The following TRRAP variants were observed in gnomAD, a reference collection of about 807,000 sequenced individuals.
The protein encoded by TRRAP is transformation/transcription domain-associated protein.
In TRRAP, 41 loss-of-function variants were observed where a neutral mutation model predicts 438.8. The ratio of observed to expected loss-of-function variants is 0.09; its 90% CI spans 0.07 to 0.12. The LOEUF (loss-of-function observed/expected upper bound fraction) is 0.12. Ranked by LOEUF, TRRAP falls within the 10% of genes least tolerant of loss-of-function variation. TRRAP has a pLI of 1.00. For missense variants in TRRAP, 3,122 were observed against 5,055.1 expected, an observed-to-expected ratio of 0.62 and a Z score of 11.60; for synonymous variants, 1,994 against 1,962.9, an observed-to-expected ratio of 1.02 and a Z score of -0.42.
chr7:98,958,209 C>A, intron 44 of TRRAP, 118 bp downstream of exon 44: 1 of 822,778 alleles, frequency 1.2e-6, no homozygotes, highest in Non-Finnish European at 1.9e-6. Context: ...CCAAGGTCTG[C>A]CAGCTGGTTC....
chr7:98,973,129 A>C (rs141652926), intron 53 of TRRAP, among the ~76,000 whole-genome samples: 3 of 152,096 alleles, frequency 2.0e-5, no homozygotes, highest in African/African-American at 7.2e-5. Context: ...ACAGGCACAC[A>C]CCACCACACC....
At chr7:98,916,170 A>G (rs1194704750) in intron 19 of TRRAP, among the ~76,000 whole-genome samples, 2 of 151,616 alleles carry the variant, frequency 1.3e-5, no homozygotes, top group Admixed American at 1.3e-4. Context: ...TTGCATTTTT[A>G]TAGTGTTTGG....
chr7:98,979,001 G>A, intron 58 of TRRAP, 97 bp downstream of exon 58: 2 of 1,506,538 alleles, frequency 1.3e-6, no homozygotes, highest in Non-Finnish European at 1.8e-6. Flanking sequence ...AAGCATTTTG[G>A]CAGTGGAAAG....
intron 33 of TRRAP, among the ~76,000 whole-genome samples, chr7:98,946,734 A>G (rs1341473588): frequency 6.6e-6 from 1 of 152,212 alleles, no homozygotes; most frequent in Non-Finnish European, 1.5e-5. Flanking sequence ...AGCATTGCAC[A>G]CACCCCGAGC....
chr7:99,000,055 T>G (rs1005868058), intron 67 of TRRAP: 2 of 160,882 alleles, frequency 1.2e-5, no homozygotes, highest in African/African-American at 4.8e-5. Context: ...TTGCCCAGGC[T>G]GGAGTGCAGT....
At chr7:98,922,082 G>A in intron 21 of TRRAP, 129 bp downstream of exon 21, 1 of 1,294,474 alleles carries the variant, frequency 7.7e-7, no homozygotes, top group Non-Finnish European at 1.1e-6. Context: ...CAGGTGATCG[G>A]CCTGGTTGGC....
At chr7:98,925,004 CAA>C (rs782031495) in intron 21 of TRRAP, 106 bp from the exon 22 acceptor site, 2,429 of 1,089,812 alleles carry the variant, frequency 2.2e-3, no homozygotes, top group South Asian at 4.3e-3. Context: ...GACTCCGTCT[CAA>C]AAAAAAAAAA....
rs765046619 is a variant in TRRAP, at chr7:98,959,509, AG to A, written c.6489+22del. On this transcript the variant is annotated intron_variant, in intron 45 of 72. Coordinates refer to ENST00000456197, the MANE Select transcript of TRRAP (RefSeq NM_001375524.1). ...GACTGTGGTGAGTGCGAGTGTCTGA[AG>A]GGCCAGGGCAGCGCCACCGAGGCCA... 5.6e-6 allele frequency: 9 copies of A among 1,608,796 alleles called. No homozygotes were observed. Among genetic ancestry groups the A allele is most frequent in the Non-Finnish European group, 7.6e-6 (9 of 1,177,320 alleles).
intron 56 of TRRAP, among the ~76,000 whole-genome samples, chr7:98,977,284 C>G (rs1056536322): frequency 1.9e-4 from 29 of 152,194 alleles, no homozygotes; most frequent in Non-Finnish European, 8.8e-5. Flanking sequence ...GCCTCAGCCT[C>G]CCAAGTAGCT....
rs1554417801 is a variant in TRRAP at position 98,949,852 on chromosome 7, C to T, written c.5135+11C>T. ...GCTGAACTACTGCAAGTGGGTGCCT[C>T]CTCCCGCCCTGCCCCGCGGGACTGG... On this transcript the variant is annotated intron_variant, in intron 37 of 72. Transcript: ENST00000456197. The T allele has an allele frequency of 6.2e-7, 1 of 1,610,072 alleles. No homozygotes were observed. The highest frequency in any genetic ancestry group is 8.5e-7 in the Non-Finnish European group (1 of 1,178,062).
Position 98,948,494 on chromosome 7 carries a change from C to CTTG in TRRAP, c.4669-69_4669-67dup. ...TTCATGCACTCCAGTAACAAGGGAC[C>CTTG]TTGTTAGGTAGACAGCCTCAAGCTC... On this transcript the variant is annotated intron_variant, in intron 34 of 72. Coordinates refer to ENST00000456197, the MANE Select transcript of TRRAP (RefSeq NM_001375524.1). This position sits in a 1 kb window ranked among gnomAD's most constrained non-coding sequence, Gnocchi z 4.9. 1 of 1,613,246 alleles carries CTTG rather than the reference C, an allele frequency of 6.2e-7. No individual in the cohort carries two copies. The highest frequency in any genetic ancestry group is 1.7e-5 in the Admixed American group (1 of 60,020).
In TRRAP at chr7:98,933,236, C is replaced by T; in HGVS notation, c.3853-5C>T. On this transcript the variant is annotated splice_region_variant and splice_polypyrimidine_tract_variant and intron_variant, in intron 26 of 72. Coordinates refer to ENST00000456197, the MANE Select transcript of TRRAP (RefSeq NM_001375524.1). ...TGAGTGGTGCCTCCTCCTTGGCTTCCCCAGGTCCTGCAGGATATGGTCCCC... is the reference window on the plus strand; with the variant it reads ...TGAGTGGTGCCTCCTCCTTGGCTTCTCCAGGTCCTGCAGGATATGGTCCCC... 1.2e-6 allele frequency: 2 copies of T among 1,609,178 alleles called. No homozygotes were observed. The highest frequency in any genetic ancestry group is 1.7e-6 in the Non-Finnish European group (2 of 1,177,790).
intron 2 of TRRAP, 124 bp from the exon 3 acceptor site, chr7:98,881,851 A>T: frequency 9.9e-7 from 1 of 1,015,176 alleles, no homozygotes; most frequent in Non-Finnish European, 1.4e-6. Context: ...GCCTTCTATT[A>T]GGCCATGACA....
At chr7:98,981,587 G>A (rs1276261586) in intron 58 of TRRAP, among the ~76,000 whole-genome samples, 182 bp from the exon 59 acceptor site, 1 of 152,206 alleles carries the variant, frequency 6.6e-6, no homozygotes, top group Non-Finnish European at 1.5e-5. Context: ...GAAAAGGAGA[G>A]TATCCAGAAA....
At chr7:98,921,595 T>C (rs782495399) in intron 20 of TRRAP, among the ~76,000 whole-genome samples, 158 bp from the exon 21 acceptor site, 3 of 152,124 alleles carry the variant, frequency 2.0e-5, no homozygotes, top group Non-Finnish European at 4.4e-5. Context: ...AGGCTGGTCT[T>C]GAACTCCTGA....
Position 98,948,369 on chromosome 7 carries a change from G to C in TRRAP, c.4668+29G>C, listed in dbSNP as rs146264957. The C allele has an allele frequency of 8.1e-6, 13 of 1,613,776 alleles. No homozygotes were observed. Among genetic ancestry groups the C allele is most frequent in the Non-Finnish European group, 1.1e-5 (13 of 1,179,918 alleles). The stretch of plus-strand genomic sequence containing the variant: ...AGGGCCATACTGAAGGCTGCTTCTC[G>C]CTCTGCCACCCTCCGGTGCTTATAG... On this transcript the variant is annotated intron_variant, in intron 34 of 72. Transcript: ENST00000456197. The surrounding 1 kb of genome is among the most constrained non-coding windows in gnomAD (Gnocchi z 4.9).
At chr7:98,971,133 A>G (rs1305369071) in intron 52 of TRRAP, among the ~76,000 whole-genome samples, 1 of 152,204 alleles carries the variant, frequency 6.6e-6, no homozygotes, top group Admixed American at 6.5e-5. Context: ...ATGTCTACTC[A>G]TTAATAATTT....
intron 22 of TRRAP, among the ~76,000 whole-genome samples, chr7:98,926,861 C>CA (rs1481728519): frequency 4.0e-5 from 6 of 151,304 alleles, no homozygotes; most frequent in East Asian, 3.9e-4. Context: ...ACTAAAAATA[C>CA]AAAAAAAATT....
chr7:98,930,880 G>A (rs782443594), intron 25 of TRRAP, 50 bp downstream of exon 25: 1 of 1,607,282 alleles, frequency 6.2e-7, no homozygotes, highest in Non-Finnish European at 8.5e-7. Context: ...TGAAATGGTG[G>A]TTTCCTGAAG....
Sources: allele counts gnomAD v4.1 joint callset (sites outside exome capture counted in the v4.1 genomes callset), GRCh38; gene constraint gnomAD v4.1.1; non-coding constraint Gnocchi (gnomAD v3.1); transcripts MANE v1.5; gene names NCBI Gene and HGNC (gene_info 2026-07-23, HGNC 2026-07-21).